PEBP4: variants seen among roughly 807,000 people sequenced by gnomAD.
PEBP4 encodes phosphatidylethanolamine-binding protein 4.
Under a neutral mutation model 23.9 loss-of-function variants are expected in PEBP4, and 22 were observed. The ratio of observed to expected loss-of-function variants is 0.92; its 90% confidence interval spans 0.66 to 1.31. The LOEUF (loss-of-function observed/expected upper bound fraction) is 1.31. Ranked by LOEUF, PEBP4 falls within the 40% of genes most tolerant of loss-of-function variation. The probability of loss-of-function intolerance (pLI) is 0.00; values close to 1 mark genes in which losing one functional copy is unlikely to be tolerated. For missense variants in PEBP4, 324 were observed against 281.7 expected, an observed-to-expected ratio of 1.15 and a Z score of -1.07; for synonymous variants, 112 against 99.3, an observed-to-expected ratio of 1.13 and a Z score of -0.76.
chr8:22,799,785 T>G, intron 4 of PEBP4, among the ~76,000 whole-genome samples: 1 of 152,142 alleles, frequency 6.6e-6, no homozygotes, highest in African/African-American at 2.4e-5. Flanking sequence ...TTCCCACCTA[T>G]GAGTGAGAAC....
At chr8:22,850,838 C>A (rs1427955730) in intron 3 of PEBP4, among the ~76,000 whole-genome samples, 1 of 152,178 alleles carries the variant, frequency 6.6e-6, no homozygotes, top group Non-Finnish European at 1.5e-5. Context: ...GGAGGAAGGG[C>A]CTCTCATTGC....
chr8:22,865,462 G>T lies in PEBP4; in HGVS notation c.259-47727C>A, dbSNP rs1053901577. 6.6e-6 allele frequency among the ~76,000 whole-genome samples: 1 copy of T among 151,880 alleles called. No homozygotes were observed. The highest frequency in any genetic ancestry group is 2.4e-5 in the African/African-American group (1 of 41,404). On this transcript the variant is annotated intron_variant, in intron 3 of 6. Transcript: ENST00000256404. The surrounding 1 kb of genome is among the most constrained non-coding windows in gnomAD (Gnocchi z 6.9). ...GGGCGGGGGCCGCACTTTCCCCGCC[G>T]CGAGGTGGAGCGCGCCACCGCCCCC...
At chr8:22,835,836 G>A (rs1407402503) in intron 3 of PEBP4, among the ~76,000 whole-genome samples, 1 of 152,342 alleles carries the variant, frequency 6.6e-6, no homozygotes, top group East Asian at 1.9e-4. Flanking sequence ...ATATTTGAAA[G>A]CATTTATCAC....
chr8:22,833,414 C>T (rs980633315), intron 3 of PEBP4, among the ~76,000 whole-genome samples: 2 of 152,182 alleles, frequency 1.3e-5, no homozygotes, highest in Non-Finnish European at 2.9e-5. Flanking sequence ...TTACTGCAAC[C>T]TCCGCCTCAA....
At chr8:22,909,701 G>A (rs1808895448) in intron 3 of PEBP4, among the ~76,000 whole-genome samples, 2 of 152,144 alleles carry the variant, frequency 1.3e-5, no homozygotes, top group Non-Finnish European at 2.9e-5. Flanking sequence ...AGCTTTGGAG[G>A]CTACACAGAC....
intron 4 of PEBP4, among the ~76,000 whole-genome samples, chr8:22,799,173 T>C (rs985263640): frequency 6.6e-6 from 1 of 152,222 alleles, no homozygotes; most frequent in Non-Finnish European, 1.5e-5. Context: ...CCTCTCCTCC[T>C]TTCCTTTGAC....
At chr8:22,794,747 G>T (rs1306477821) in intron 4 of PEBP4, among the ~76,000 whole-genome samples, 1 of 152,002 alleles carries the variant, frequency 6.6e-6, no homozygotes, top group Non-Finnish European at 1.5e-5. Flanking sequence ...AGCTCAGATT[G>T]GTCAATTATT....
At chr8:22,787,682 G>A (rs989883248) in intron 4 of PEBP4, among the ~76,000 whole-genome samples, 1 of 152,356 alleles carries the variant, frequency 6.6e-6, no homozygotes, top group Admixed American at 6.5e-5. Context: ...AAGTACTTGA[G>A]TCTGGTTGGG....
At chr8:22,716,246 C>T (rs750323638) in intron 6 of PEBP4, among the ~76,000 whole-genome samples, 5 of 152,166 alleles carry the variant, frequency 3.3e-5, no homozygotes, top group South Asian at 2.1e-4. Flanking sequence ...CCTGCACAAC[C>T]GTAGGGGGTG....
intron 4 of PEBP4, among the ~76,000 whole-genome samples, chr8:22,739,052 G>C (rs924502104): frequency 5.3e-5 from 8 of 152,140 alleles, no homozygotes; most frequent in Non-Finnish European, 1.2e-4. Context: ...CCTGGCAGGG[G>C]GCCAGGACAA....
At chr8:22,898,382 A>C in intron 3 of PEBP4, among the ~76,000 whole-genome samples, 1 of 116,758 alleles carries the variant, frequency 8.6e-6, no homozygotes, top group African/African-American at 3.4e-5. Context: ...ACAGAGGAAG[A>C]CTCCACCCCA....
In PEBP4 at chr8:22,936,510, T is replaced by G. The variant is rs891102210; in HGVS notation, c.145-8790A>C. ...GTTCTGAACCAGATAGTTTTACTGG[T>G]GATTTCTACCAAACATTTAAAGAAG... On this transcript the variant is annotated intron_variant, in intron 1 of 1. Coordinates refer to the PEBP4 transcript ENST00000522278. 2.0e-5 allele frequency among the ~76,000 whole-genome samples: 3 copies of G among 152,160 alleles called. No homozygotes were observed. In the South Asian group the frequency reaches 6.2e-4, roughly 32 times the overall value.
At chr8:22,821,072 G>C (rs1011972624) in intron 3 of PEBP4, among the ~76,000 whole-genome samples, 1 of 152,014 alleles carries the variant, frequency 6.6e-6, no homozygotes, top group African/African-American at 2.4e-5. Flanking sequence ...CCATGCCTAT[G>C]GTTCCAGCTA....
chr8:22,930,793 C>A (rs1446394911), upstream of PEBP4, among the ~76,000 whole-genome samples: 1 of 152,184 alleles, frequency 6.6e-6, no homozygotes, highest in African/African-American at 2.4e-5. Context: ...AACCTAAGAT[C>A]TGAAAGCCGT....
intron 4 of PEBP4, among the ~76,000 whole-genome samples, chr8:22,767,874 G>A (rs1005223337): frequency 1.3e-5 from 2 of 152,020 alleles, no homozygotes; most frequent in African/African-American, 4.8e-5. Flanking sequence ...TGAGTATCTG[G>A]GATTACAGGC....
intron 4 of PEBP4, among the ~76,000 whole-genome samples, chr8:22,741,173 G>A (rs185524262): frequency 6.6e-6 from 1 of 152,302 alleles, no homozygotes; most frequent in African/African-American, 2.4e-5. Context: ...CAGCAGTCAG[G>A]CAACTTCCTC....
rs538864127 is a variant in PEBP4 at position 22,760,942 on chromosome 8, G to A, written c.358-33722C>T. Among the ~76,000 whole-genome samples the A allele has an allele frequency of 6.6e-5, 10 of 152,274 alleles. No homozygotes were observed. The South Asian group carries it at 8.3e-4, about 13-fold the overall frequency. ...TCTAGGGTGTTCAAGGAGGTTTCGC[G>A]CACACCAGTTGCCCTGTGCATTAGT... On this transcript the variant is annotated intron_variant, in intron 4 of 6. Coordinates refer to ENST00000256404, the MANE Select transcript of PEBP4 (RefSeq NM_144962.3).
upstream of PEBP4, among the ~76,000 whole-genome samples, chr8:22,928,928 G>A (rs117415295): frequency 0.013 from 1,920 of 152,274 alleles, 23 homozygotes; most frequent in Admixed American, 0.019. Flanking sequence ...CTGCCTCCAG[G>A]ATCCCAACCT....
intron 3 of PEBP4, among the ~76,000 whole-genome samples, chr8:22,843,407 C>A (rs2128766005): frequency 6.6e-6 from 1 of 152,318 alleles, no homozygotes; most frequent in Middle Eastern, 3.4e-3. Context: ...CAAATGATAC[C>A]AGGAAGTGGG....
Sources: allele counts gnomAD v4.1 joint callset (sites outside exome capture counted in the v4.1 genomes callset), GRCh38; gene constraint gnomAD v4.1.1; non-coding constraint Gnocchi (gnomAD v3.1); transcripts MANE v1.5; gene names NCBI Gene and HGNC (gene_info 2026-07-23, HGNC 2026-07-21).